Variants in CADM2 observed in about 807,000 individuals in gnomAD.
CADM2 encodes cell adhesion molecule 2.
A neutral mutation model predicts 49.8 loss-of-function variants in CADM2; 12 were observed. The observed-to-expected ratio is 0.24, with a 90% CI of 0.15 to 0.39. CADM2 has a LOEUF of 0.39. Among genes scored for constraint, CADM2 ranks in the 10% least tolerant of loss-of-function variants. The pLI is 1.00. For missense variants in CADM2, 378 were observed against 492.3 expected (o/e 0.77, Z 2.20); for synonymous variants, 214 against 175.4 (o/e 1.22, Z -1.74).
At chr3:85,581,980 G>A (rs2062813664) in intron 1 of CADM2, among the ~76,000 whole-genome samples, 2 of 152,076 alleles carry the variant, frequency 1.3e-5, no homozygotes, top group Admixed American at 1.3e-4. Context: ...AGGGTGGAGT[G>A]CAGTGGTGTG....
chr3:85,401,762 A>C (rs984122460), intron 1 of CADM2, among the ~76,000 whole-genome samples: 6 of 151,590 alleles, frequency 4.0e-5, no homozygotes, highest in Non-Finnish European at 7.4e-5. Context: ...CTTTACCACC[A>C]CCTCTCCCAC....
At chr3:85,033,232 T>G (rs2035063137) in intron 1 of CADM2, among the ~76,000 whole-genome samples, 1 of 152,182 alleles carries the variant, frequency 6.6e-6, no homozygotes, top group Non-Finnish European at 1.5e-5. Flanking sequence ...CCAACAGTAA[T>G]TAAAAATTGG....
intron 8 of CADM2, among the ~76,000 whole-genome samples, chr3:85,971,795 T>C (rs780749870): frequency 6.6e-6 from 1 of 151,698 alleles, no homozygotes; most frequent in Non-Finnish European, 1.5e-5. Flanking sequence ...AAAAAATGCA[T>C]ACATTTTTTC....
At position 85,848,553 on chromosome 3, in the gene CADM2, A is replaced by C. The variant is rs116357280; in HGVS notation, c.239-34738A>C. 2.4e-3 allele frequency among the ~76,000 whole-genome samples: 365 copies of C among 152,308 alleles called. 1 individual carries two copies. Among genetic ancestry groups the C allele is most frequent in the African/African-American group, 8.5e-3 (355 of 41,574 alleles). On this transcript the variant is annotated intron_variant, in intron 3 of 9. Transcript: ENST00000383699. Reference sequence around the variant, plus strand: ...TTAAGATAATTGTGTTAATGCAATAAAATATTTATTATAACTGCATTTTAT... The same window carrying C: ...TTAAGATAATTGTGTTAATGCAATACAATATTTATTATAACTGCATTTTAT...
Position 85,372,433 on chromosome 3 carries a change from A to ATGTATATCTG in CADM2, c.62-354082_62-354081insCTGTGTATAT, listed in dbSNP as rs1559806245. The stretch of plus-strand genomic sequence containing the variant: ...TATATATGTATATATGTGTGTATAT[A>ATGTATATCTG]TGTATATATGTGTATATATGTATAT... On this transcript the variant is annotated intron_variant, in intron 1 of 9. Transcript: ENST00000383699. 1.1e-4 allele frequency among the ~76,000 whole-genome samples: 14 copies of ATGTATATCTG among 131,286 alleles called. No individual in the cohort carries two copies. In the Admixed American group the frequency reaches 1.1e-3, roughly 10 times the overall value. The allele number at this position is 131,286 out of a possible 152,430, so 86.1% of individuals were successfully genotyped here. A position where few individuals can be genotyped will look rare whatever the true frequency, so the allele number is the denominator to read the frequency against.
intron 1 of CADM2, among the ~76,000 whole-genome samples, chr3:85,359,666 A>ATATATATATATATAT: frequency 3.0e-4 from 8 of 26,554 alleles, no homozygotes; most frequent in African/African-American, 6.4e-4. Context: ...ATATATATAT[A>ATATATATATATATAT]TTTTTTTTTT....
intron 1 of CADM2, among the ~76,000 whole-genome samples, chr3:84,980,281 C>G (rs1319796727): frequency 6.6e-6 from 1 of 152,070 alleles, no homozygotes; most frequent in Non-Finnish European, 1.5e-5. Flanking sequence ...CACCCTGCCC[C>G]TTGCTAAGCC....
chr3:85,890,145 GGAC>G (rs1714229268), intron 5 of CADM2, among the ~76,000 whole-genome samples: 1 of 151,916 alleles, frequency 6.6e-6, no homozygotes, highest in Non-Finnish European at 1.5e-5. Context: ...AGGGTTTGGA[GGAC>G]TTCAATATTG....
intron 1 of CADM2, among the ~76,000 whole-genome samples, chr3:85,080,639 CTCTT>C (rs2037128126): frequency 6.6e-6 from 1 of 151,974 alleles, no homozygotes; most frequent in African/African-American, 2.4e-5. Context: ...TTTGAGCTCT[CTCTT>C]TATGCTTATG....
At chr3:85,747,558 A>C (rs943190875) in intron 2 of CADM2, among the ~76,000 whole-genome samples, 1 of 152,120 alleles carries the variant, frequency 6.6e-6, no homozygotes, top group Non-Finnish European at 1.5e-5. Flanking sequence ...GCAGAGAATC[A>C]ACCCATCTTG....
intron 1 of CADM2, among the ~76,000 whole-genome samples, chr3:85,064,050 C>T (rs73843274): frequency 0.02 from 3,057 of 152,156 alleles, 88 homozygotes; most frequent in African/African-American, 0.068. Flanking sequence ...AAACCGATTC[C>T]TTTGGATAGT....
chr3:85,169,627 C>T (rs528642827), intron 1 of CADM2, among the ~76,000 whole-genome samples: 15 of 151,826 alleles, frequency 9.9e-5, no homozygotes, highest in East Asian at 2.0e-4. Flanking sequence ...CAAAAATCTG[C>T]GGGGTGTGGT....
chr3:85,771,996 TTTTC>T (rs905931656), intron 2 of CADM2, among the ~76,000 whole-genome samples: 10 of 148,872 alleles, frequency 6.7e-5, no homozygotes, highest in African/African-American at 2.0e-4. Context: ...GTATTGTATT[TTTTC>T]TTTCTTTCTT....
At chr3:86,013,837 C>G (rs776325889) in intron 8 of CADM2, 1 of 1,590,838 alleles carries the variant, frequency 6.3e-7, no homozygotes, top group Non-Finnish European at 8.6e-7. Context: ...TACATTGTGT[C>G]TAGTGGATTT....
intron 5 of CADM2, among the ~76,000 whole-genome samples, chr3:85,904,422 G>A (rs1041721801): frequency 1.3e-5 from 2 of 152,070 alleles, no homozygotes; most frequent in South Asian, 2.1e-4. Context: ...GTAGTCCTTC[G>A]TTGAGGAAAC....
chr3:85,957,062 G>A (rs1361775300), intron 7 of CADM2, among the ~76,000 whole-genome samples: 1 of 151,570 alleles, frequency 6.6e-6, no homozygotes, highest in Non-Finnish European at 1.5e-5. Context: ...TGACTTTGTG[G>A]AAAGGGCAAG....
intron 1 of CADM2, among the ~76,000 whole-genome samples, chr3:85,133,387 G>T (rs2039298303): frequency 2.6e-5 from 4 of 152,102 alleles, no homozygotes; most frequent in Non-Finnish European, 4.4e-5. Flanking sequence ...AGACACAAAG[G>T]TTCTCTACGT....
At chr3:85,307,585 G>C (rs966278931) in intron 1 of CADM2, among the ~76,000 whole-genome samples, 2 of 151,606 alleles carry the variant, frequency 1.3e-5, no homozygotes, top group Non-Finnish European at 3.0e-5. Flanking sequence ...TGTTTGGAAT[G>C]CCAAGGTCTC....
At chr3:85,127,846 G>A (rs938857481) in intron 1 of CADM2, among the ~76,000 whole-genome samples, 41 of 152,028 alleles carry the variant, frequency 2.7e-4, no homozygotes, top group African/African-American at 9.7e-4. Flanking sequence ...AATTGCCCTT[G>A]ATTTTTTAGA....
Sources: gnomAD v4.1 joint callset for allele counts (sites outside exome capture counted in the v4.1 genomes callset) on GRCh38, gnomAD v4.1.1 for gene constraint, MANE v1.5 for transcripts, NCBI Gene and HGNC (gene_info 2026-07-23, HGNC 2026-07-21) for gene names.